LILRB1: variants seen among roughly 807,000 people sequenced by gnomAD.
LILRB1 encodes leukocyte immunoglobulin like receptor B1.
A neutral mutation model predicts 74.6 loss-of-function variants in LILRB1; 59 were observed. That is an observed-to-expected ratio of 0.79 (90% CI 0.64 to 0.98). LILRB1 has a LOEUF of 0.98. Among genes scored for constraint, LILRB1 ranks in the 50% least tolerant of loss-of-function variants. The pLI is 0.00. For synonymous variants in LILRB1, 328 were observed against 333.9 expected, an observed-to-expected ratio of 0.98 and a Z score of 0.19; for missense variants, 804 against 822.6, an observed-to-expected ratio of 0.98 and a Z score of 0.28.
chr19:54,636,286 G>A (rs1599872251), intron 13 of LILRB1: 6 of 1,018,934 alleles, frequency 5.9e-6, no homozygotes, highest in East Asian at 2.6e-5. Context: ...GAAGGCCCGT[G>A]AGGCTGCAGC....
chr19:54,632,287 G>C, intron 5 of LILRB1, 50 bp downstream of exon 5: 1 of 1,585,918 alleles, frequency 6.3e-7, no homozygotes, highest in Non-Finnish European at 8.6e-7. Context: ...CCAGGCAGGT[G>C]GGGAGCAGCC....
intron 13 of LILRB1, chr19:54,636,171 G>T: frequency 3.4e-6 from 2 of 584,428 alleles, no homozygotes; most frequent in Non-Finnish European, 6.5e-6. Flanking sequence ...GCTGTCATCT[G>T]AGAAGCCTGG....
chr19:54,627,181 A>C (rs1179678282), upstream of LILRB1, among the ~76,000 whole-genome samples: 1 of 152,226 alleles, frequency 6.6e-6, no homozygotes, highest in Non-Finnish European at 1.5e-5. Flanking sequence ...GCTGGAACCC[A>C]AGCTGAGGTC....
chr19:54,632,309 C>A (rs2063946960), intron 5 of LILRB1, 72 bp downstream of exon 5: 2 of 1,570,220 alleles, frequency 1.3e-6, no homozygotes, highest in African/African-American at 1.4e-5. Flanking sequence ...CGTCTCAGGG[C>A]AGTTCCAGGT....
In LILRB1 at chr19:54,636,856, A is replaced by G; in HGVS notation, c.1937A>G (p.Tyr646Cys). ...EGPSPAVPSIYATLAIH is the reference protein window; with the variant it reads ...EGPSPAVPSICATLAIH ...CCCTCTCCAGCTGTGCCCAGCATCT[A>G]CGCCACTCTGGCCATCCACTAGCCC... is the stretch of plus-strand genomic sequence containing the variant. Residue 646 changes from tyrosine (Y) to cysteine (C), a missense_variant, in exon 15 of 15, where the codon TAC (tyrosine) becomes TGC (cysteine). Transcript: ENST00000324602. The G allele has an allele frequency of 6.2e-7, 1 of 1,613,300 alleles. No individual in the cohort carries two copies. Among genetic ancestry groups the G allele is most frequent in the Non-Finnish European group, 8.5e-7 (1 of 1,179,496 alleles).
rs41557718 is a variant in LILRB1, at chr19:54,635,011, G to A, written c.1487-93G>A. On this transcript the variant is annotated intron_variant, in intron 10 of 14. Transcript: ENST00000324602. ...GCATTTGGAACATGGAGGCAGGAGTGTTTTTAGGTTTCCTTCCTTACCTTC... is the reference window on the plus strand; with the variant it reads ...GCATTTGGAACATGGAGGCAGGAGTATTTTTAGGTTTCCTTCCTTACCTTC... The A allele has an allele frequency of 3.9e-3, 5,328 of 1,364,448 alleles. 14 individuals are homozygous for A. Among genetic ancestry groups the A allele is most frequent in the Middle Eastern group, 0.014 (56 of 4,058 alleles). 84.5% of individuals were successfully genotyped at this position (1,364,448 alleles called of 1,614,324 possible). A position where few individuals can be genotyped will look rare whatever the true frequency, so the allele number is the denominator to read the frequency against.
chr19:54,619,248 A>G (rs1173267595), intron 1 of LILRB1, among the ~76,000 whole-genome samples: 3 of 152,172 alleles, frequency 2.0e-5, no homozygotes, highest in Non-Finnish European at 4.4e-5. Flanking sequence ...AAAATAACTG[A>G]TAGTTCAAGA....
rs2063938656 is a variant in LILRB1 at position 54,632,215 on chromosome 19, T to A, written c.639T>A (p.Asp213Glu). 12 of 1,613,306 alleles carry A rather than the reference T, an allele frequency of 7.4e-6. No individual in the cohort carries two copies. The highest frequency in any genetic ancestry group is 1.0e-5 in the Non-Finnish European group (12 of 1,179,480). Residue 213 changes from aspartate (D) to glutamate (E), a missense_variant, in exon 5 of 15, where the codon GAT becomes GAA. Physicochemically the swap from Asp to Glu is conservative, Grantham distance 45. Transcript: ENST00000324602. Reference sequence around the variant, plus strand: ...CCTATGAGTGGTCTCTACCCAGTGATCTCCTGGAGCTCCTGGTCCTAGGTG... The same window carrying A: ...CCTATGAGTGGTCTCTACCCAGTGAACTCCTGGAGCTCCTGGTCCTAGGTG... ...NSPYEWSLPS[D>E]LLELLVLGVS... is the part of the protein sequence containing the mutation.
intron 1 of LILRB1, among the ~76,000 whole-genome samples, chr19:54,622,772 C>T (rs541322083): frequency 6.6e-6 from 1 of 152,264 alleles, no homozygotes; most frequent in African/African-American, 2.4e-5. Context: ...AATGCTTTCA[C>T]TTCTCCCCAT....
upstream of LILRB1, among the ~76,000 whole-genome samples, chr19:54,627,961 G>T (rs2063642417): frequency 6.6e-6 from 1 of 152,134 alleles, no homozygotes; most frequent in South Asian, 2.1e-4. Context: ...TCTGCAGCAA[G>T]GGTACACTCA....
intron 9 of LILRB1, chr19:54,634,264 G>T (rs1004494765): frequency 4.6e-6 from 7 of 1,521,028 alleles, no homozygotes; most frequent in Non-Finnish European, 5.3e-6. Flanking sequence ...ACCCGATTCC[G>T]CGGGGGCCTG....
chr19:54,635,746 G>A (rs183056459), intron 13 of LILRB1, 137 bp downstream of exon 13: 26 of 1,045,246 alleles, frequency 2.5e-5, no homozygotes, highest in South Asian at 1.4e-4. Flanking sequence ...GCTGCCTCCC[G>A]CCTGCTGCGA....
chr19:54,634,265 C>G (rs1015408976), intron 9 of LILRB1: 2 of 1,521,104 alleles, frequency 1.3e-6, no homozygotes, highest in African/African-American at 1.4e-5. Context: ...CCCGATTCCG[C>G]GGGGGCCTGT....
Position 54,633,017 on chromosome 19 carries a change from A to G in LILRB1, c.960A>G (p.Gly320=). 1 of 1,613,062 alleles carries G rather than the reference A, an allele frequency of 6.2e-7. No individual in the cohort carries two copies. Among genetic ancestry groups the G allele is most frequent in the Non-Finnish European group, 8.5e-7 (1 of 1,179,414 alleles). The change falls in exon 7 of 15, where the codon GGA becomes GGG. Residue 320 remains glycine (G), a splice_region_variant and synonymous_variant. Transcript: ENST00000324602. ...PSDPLDILIA[G]QFYDRVSLSV... ...CTCGCCCATCCTTCTTCTCTCCAGG[A>G]CAGTTCTATGACAGAGTCTCCCTCT...
In LILRB1 at chr19:54,632,632, T is replaced by C. The variant is rs556935946; in HGVS notation, c.830T>C (p.Leu277Pro). Residue 277 changes from leucine (L) to proline (P), a missense_variant, in exon 6 of 15, where the codon CTC (leucine) becomes CCC (proline). Physicochemically the swap from Leu to Pro is moderately conservative, Grantham distance 98. Coordinates refer to ENST00000324602, the MANE Select transcript of LILRB1 (RefSeq NM_001081637.3). ...QLAGAQPQAGLSQANFTLGPV... is the reference protein window; with the variant it reads ...QLAGAQPQAGPSQANFTLGPV... ...GCTGGCGCACAGCCCCAGGCTGGGC[T>C]CTCCCAGGCCAACTTCACCCTGGGC... The C allele has an allele frequency of 3.7e-6, 6 of 1,613,938 alleles. No individual in the cohort carries two copies. In the African/African-American group the frequency reaches 6.7e-5, roughly 18 times the overall value.
upstream of LILRB1, among the ~76,000 whole-genome samples, chr19:54,627,965 A>G (rs1309689721): frequency 2.6e-5 from 4 of 152,236 alleles, no homozygotes; most frequent in African/African-American, 9.6e-5. Context: ...CAGCAAGGGT[A>G]CACTCACCAG....
rs538326944 is a variant in LILRB1 at position 54,636,309 on chromosome 19, G to T, written c.1654-185G>T. 6 of 1,241,096 alleles carry T rather than the reference G, an allele frequency of 4.8e-6. No homozygotes were observed. In the African/African-American group the frequency reaches 9.2e-5, roughly 19 times the overall value. The allele number at this position is 1,241,096 out of a possible 1,614,324, so 76.9% of individuals were successfully genotyped here. On this transcript the variant is annotated intron_variant, in intron 13 of 14. Coordinates refer to ENST00000324602, the MANE Select transcript of LILRB1 (RefSeq NM_001081637.3). ...GTGAGGCTGCAGCCAAATGGGCAAC[G>T]TCAGAGTGAGGAGCAGAGGCCAGAA...
upstream of LILRB1, among the ~76,000 whole-genome samples, chr19:54,628,124 T>C (rs1225017085): frequency 6.6e-6 from 1 of 152,134 alleles, no homozygotes; most frequent in Non-Finnish European, 1.5e-5. Context: ...TTAGAACTTC[T>C]GAAAAGAGGC....
Position 54,636,364 on chromosome 19 carries a change from C to T in LILRB1, c.1654-130C>T, listed in dbSNP as rs1599872619. On this transcript the variant is annotated intron_variant, in intron 13 of 14. Coordinates refer to ENST00000324602, the MANE Select transcript of LILRB1 (RefSeq NM_001081637.3). ...AGCGAGGGAGCGGCCAGACCCTCCA[C>T]GGCCTTAGGGCGTCCCTGAGATTCC... The T allele has an allele frequency of 1.5e-5, 23 of 1,496,098 alleles. No homozygotes were observed. The East Asian group carries it at 2.1e-4, about 14-fold the overall frequency. The allele number at this position is 1,496,098 out of a possible 1,614,324, so 92.7% of individuals were successfully genotyped here. A position where few individuals can be genotyped will look rare whatever the true frequency, so the allele number is the denominator to read the frequency against.
Sources: gnomAD v4.1 joint callset for allele counts (sites outside exome capture counted in the v4.1 genomes callset) on GRCh38, gnomAD v4.1.1 for gene constraint, MANE v1.5 for transcripts, NCBI Gene and HGNC (gene_info 2026-07-23, HGNC 2026-07-21) for gene names.